The following WWOX variants were observed in gnomAD, a reference collection of about 807,000 sequenced individuals.
WWOX encodes the protein WW domain-containing oxidoreductase.
Under a neutral mutation model 46.2 loss-of-function variants are expected in WWOX, and 69 were observed. The observed-to-expected ratio is 1.49, with a 90% CI of 1.23 to 1.82. The LOEUF is 1.82. WWOX is among the 40% of genes most tolerant of loss of function. The pLI, the probability that WWOX is intolerant of heterozygous loss-of-function variation, is 0.00. For missense variants in WWOX, 919 were observed against 542.6 expected, an observed-to-expected ratio of 1.69 and a Z score of -6.89; for synonymous variants, 359 against 202.6, an observed-to-expected ratio of 1.77 and a Z score of -6.56.
In WWOX at chr16:78,627,552, G is replaced by A. The variant is rs1490703686; in HGVS notation, c.1056+194800G>A. Reference sequence around the variant, plus strand: ...CCAATGAGAGTTCAGGTGTTCTGTTGGAAATCTTTGTAAAATCACAGAGAA... The same window carrying A: ...CCAATGAGAGTTCAGGTGTTCTGTTAGAAATCTTTGTAAAATCACAGAGAA... On this transcript the variant is annotated intron_variant, in intron 8 of 8. Coordinates refer to ENST00000566780, the MANE Select transcript of WWOX (RefSeq NM_016373.4). 2.0e-5 allele frequency among the ~76,000 whole-genome samples: 3 copies of A among 152,062 alleles called. No homozygotes were observed. The East Asian group carries it at 5.8e-4, about 29-fold the overall frequency.
At chr16:78,864,518 C>T (rs979750308) in intron 8 of WWOX, among the ~76,000 whole-genome samples, 1 of 152,222 alleles carries the variant, frequency 6.6e-6, no homozygotes, top group East Asian at 1.9e-4. Context: ...ATCCGCCTGC[C>T]TTGGCCTCCC....
chr16:79,092,243 C>G lies in WWOX; in HGVS notation c.1057-119365C>G, dbSNP rs190922302. On this transcript the variant is annotated intron_variant, in intron 8 of 8. Transcript: ENST00000566780. ...TAGGATTCATTACATGTGTGTTTAG[C>G]CCACCGATTATTAAGGCTTTAACAA... Among the ~76,000 whole-genome samples, 554 of 152,124 alleles carry G rather than the reference C, an allele frequency of 3.6e-3. 4 individuals carry two copies. Among genetic ancestry groups the G allele is most frequent in the Non-Finnish European group, 5.9e-3 (401 of 68,008 alleles).
intron 8 of WWOX, among the ~76,000 whole-genome samples, chr16:78,748,565 G>A (rs143687952): frequency 2.0e-5 from 3 of 152,138 alleles, no homozygotes; most frequent in African/African-American, 7.2e-5. Context: ...GGAGACCTCA[G>A]CTCTGATTAC....
At chr16:78,364,500 C>G (rs1446386161) in intron 5 of WWOX, among the ~76,000 whole-genome samples, 2 of 151,318 alleles carry the variant, frequency 1.3e-5, no homozygotes, top group Admixed American at 1.3e-4. Flanking sequence ...TACTTTGTGT[C>G]ATATATAATT....
At chr16:78,142,610 A>G (rs1037483988) in intron 4 of WWOX, among the ~76,000 whole-genome samples, 1 of 152,216 alleles carries the variant, frequency 6.6e-6, no homozygotes, top group Non-Finnish European at 1.5e-5. Flanking sequence ...GTGTGAAATC[A>G]TGATTGTGGG....
intron 8 of WWOX, among the ~76,000 whole-genome samples, chr16:78,798,908 G>C (rs918755604): frequency 6.6e-6 from 1 of 152,112 alleles, no homozygotes; most frequent in Admixed American, 6.5e-5. Flanking sequence ...TAAAGTTTGA[G>C]ACACCACTTG....
intron 5 of WWOX, among the ~76,000 whole-genome samples, chr16:78,359,413 A>T (rs13333575): frequency 6.6e-6 from 1 of 152,072 alleles, no homozygotes; most frequent in African/African-American, 2.4e-5. Flanking sequence ...TTAACACACT[A>T]ATCATGAGAG....
At chr16:78,317,655 C>T (rs1187873718) in intron 5 of WWOX, among the ~76,000 whole-genome samples, 2 of 152,102 alleles carry the variant, frequency 1.3e-5, no homozygotes, top group African/African-American at 4.8e-5. Context: ...AAGTCTGCCT[C>T]GTTTAGGCTC....
intron 6 of WWOX, among the ~76,000 whole-genome samples, chr16:78,414,722 C>T (rs1485276659): frequency 6.6e-6 from 1 of 152,114 alleles, no homozygotes; most frequent in Non-Finnish European, 1.5e-5. Context: ...AACTCAAGCC[C>T]CTCTCATCCT....
intron 6 of WWOX, 68 bp downstream of exon 6, chr16:78,387,016 A>C: frequency 6.8e-7 from 1 of 1,479,234 alleles, no homozygotes; most frequent in Non-Finnish European, 9.5e-7. Flanking sequence ...TCAGATGAAC[A>C]CAATTGGGAG....
intron 8 of WWOX, among the ~76,000 whole-genome samples, chr16:79,020,690 G>C (rs974332269): frequency 3.9e-5 from 6 of 152,180 alleles, no homozygotes; most frequent in African/African-American, 1.4e-4. Flanking sequence ...AGAAGGGAGA[G>C]TGTGGTGAGT....
chr16:78,794,815 C>CACAGGGCGCAGAAGGTGT (rs2050695666), intron 8 of WWOX, among the ~76,000 whole-genome samples: 1 of 152,054 alleles, frequency 6.6e-6, no homozygotes, highest in Non-Finnish European at 1.5e-5. Context: ...GCAGAAGGTG[C>CACAGGGCGCAGAAGGTGT]AGACACAGGG....
intron 8 of WWOX, among the ~76,000 whole-genome samples, chr16:79,032,300 G>A (rs7188279): frequency 0.68 from 97,587 of 144,482 alleles, 33,147 homozygotes; most frequent in East Asian, 0.83. Flanking sequence ...ACTCTATAAT[G>A]TAGACTCTAA....
At chr16:78,902,631 G>A (rs1249371449) in intron 8 of WWOX, among the ~76,000 whole-genome samples, 1 of 152,188 alleles carries the variant, frequency 6.6e-6, no homozygotes, top group Non-Finnish European at 1.5e-5. Flanking sequence ...TGGCTGCAAC[G>A]CTTTTACCAT....
chr16:78,222,145 G>A (rs13333436), intron 5 of WWOX, among the ~76,000 whole-genome samples: 13,861 of 152,080 alleles, frequency 0.091, 2,056 homozygotes, highest in African/African-American at 0.31. Flanking sequence ...TGGAACAATG[G>A]CATTTTCCTG....
intron 5 of WWOX, among the ~76,000 whole-genome samples, chr16:78,179,213 C>T (rs897637932): frequency 2.6e-5 from 4 of 152,162 alleles, no homozygotes; most frequent in Admixed American, 2.0e-4. Context: ...AACTTTTAGC[C>T]TTTGCTTTGC....
At chr16:78,493,955 C>T (rs547052783) in intron 8 of WWOX, among the ~76,000 whole-genome samples, 3 of 152,206 alleles carry the variant, frequency 2.0e-5, no homozygotes, top group East Asian at 3.9e-4. Flanking sequence ...GTGTATTAGT[C>T]GATTCTCACA....
At chr16:78,507,903 C>A (rs62036418) in intron 8 of WWOX, among the ~76,000 whole-genome samples, 21,607 of 151,984 alleles carry the variant, frequency 0.14, 1,657 homozygotes, top group Non-Finnish European at 0.17. Flanking sequence ...AATGTGGCCC[C>A]ATACGTATTT....
intron 8 of WWOX, among the ~76,000 whole-genome samples, chr16:78,466,991 A>C (rs930371380): frequency 6.6e-6 from 1 of 151,638 alleles, no homozygotes; most frequent in Non-Finnish European, 1.5e-5. Context: ...CCTACCCTGC[A>C]TGGGGTTATT....
Sources: allele counts gnomAD v4.1 joint callset (sites outside exome capture counted in the v4.1 genomes callset), GRCh38; gene constraint gnomAD v4.1.1; transcripts MANE v1.5; gene names NCBI Gene and HGNC (gene_info 2026-07-23, HGNC 2026-07-21).